The following TBC1D2B variants were observed in gnomAD, a reference collection of about 807,000 sequenced individuals.
The protein encoded by TBC1D2B is TBC1 domain family member 2B.
A neutral mutation model predicts 100.8 loss-of-function variants in TBC1D2B; 64 were observed. That is an observed-to-expected ratio of 0.64 (90% CI 0.52 to 0.78). TBC1D2B has a LOEUF of 0.78. Ranked by LOEUF, TBC1D2B falls within the 30% of genes least tolerant of loss-of-function variation. The pLI, the probability that TBC1D2B is intolerant of heterozygous loss-of-function variation, is 0.00. For synonymous variants in TBC1D2B, 480 were observed against 479.7 expected, an observed-to-expected ratio of 1.00 and a Z score of -0.01; for missense variants, 1,052 against 1,218.4, an observed-to-expected ratio of 0.86 and a Z score of 2.03.
chr15:78,068,109 CAT>C (rs1244435441), intron 1 of TBC1D2B, among the ~76,000 whole-genome samples: 4 of 152,196 alleles, frequency 2.6e-5, no homozygotes, highest in East Asian at 1.9e-4. Context: ...AACTTGCAGA[CAT>C]GTGATATTTA....
intron 1 of TBC1D2B, among the ~76,000 whole-genome samples, chr15:78,070,315 AG>A (rs1281826244): frequency 6.7e-6 from 1 of 149,756 alleles, no homozygotes; most frequent in African/African-American, 2.5e-5. Context: ...TCGCTTCTTC[AG>A]GAAAGTCTTT....
At position 78,009,094 on chromosome 15, in the gene TBC1D2B, A is replaced by G; in HGVS notation, c.2291T>C (p.Leu764Pro). The G allele has an allele frequency of 1.2e-6, 2 of 1,604,672 alleles. No individual in the cohort carries two copies. The highest frequency in any genetic ancestry group is 1.7e-6 in the Non-Finnish European group (2 of 1,175,334). Residue 764 changes from leucine to proline, a missense_variant, in exon 10 of 13, where the codon CTG becomes CCG. Physicochemically the swap from Leu to Pro is moderately conservative, Grantham distance 98 (BLOSUM62 -3). Transcript: ENST00000300584. The stretch of plus-strand genomic sequence containing the variant: ...GAAAGCATCTTCTTGTTCCAGGTAC[A>G]GGAGGGCCACTGCCACCAACCTACA... ...GLNRLVAVAL[L>P]YLEQEDAFWC...
intron 3 of TBC1D2B, among the ~76,000 whole-genome samples, chr15:78,037,917 C>T (rs1373808700): frequency 6.6e-6 from 1 of 152,040 alleles, no homozygotes; most frequent in African/African-American, 2.4e-5. Context: ...AAAAAGTGAA[C>T]AATGCTGTGT....
intron 10 of TBC1D2B, among the ~76,000 whole-genome samples, chr15:78,007,541 G>A (rs1231991278): frequency 6.6e-6 from 1 of 152,222 alleles, no homozygotes; most frequent in East Asian, 1.9e-4. Context: ...GGCGGGAACA[G>A]GAGGCAATAA....
At chr15:78,075,948 T>C (rs1316739256) in intron 1 of TBC1D2B, among the ~76,000 whole-genome samples, 1 of 152,210 alleles carries the variant, frequency 6.6e-6, no homozygotes, top group East Asian at 1.9e-4. Context: ...TGGCCAGCTT[T>C]GAGAGCACTT....
chr15:78,013,846 G>C lies in TBC1D2B; in HGVS notation c.1776-529C>G, dbSNP rs879749004. The stretch of plus-strand genomic sequence containing the variant: ...GCAATAGGAATGTTGTTAATGGAAC[G>C]TTAATGCAGTTAAGACTACAGAACT... On this transcript the variant is annotated intron_variant, in intron 8 of 12. Coordinates refer to ENST00000300584, the MANE Select transcript of TBC1D2B (RefSeq NM_144572.2). 1.8e-4 allele frequency among the ~76,000 whole-genome samples: 27 copies of C among 152,294 alleles called. No homozygotes were observed. In the East Asian group the frequency reaches 5.0e-3, roughly 28 times the overall value.
In TBC1D2B at chr15:77,997,570, G is replaced by A. The variant is rs2071796899; in HGVS notation, c.*590C>T. 2 of 152,324 alleles carry A rather than the reference G, an allele frequency of 1.3e-5. No individual in the cohort carries two copies. Among genetic ancestry groups the A allele is most frequent in the Admixed American group, 6.5e-5 (1 of 15,290 alleles). 9.4% of individuals were successfully genotyped at this position (152,324 alleles called of 1,614,324 possible). A position where few individuals can be genotyped will look rare whatever the true frequency, so the allele number is the denominator to read the frequency against. On this transcript the variant is annotated 3_prime_UTR_variant, in exon 13 of 13. Transcript: ENST00000300584. ...AAGAGCAAAGGCTATTCTAGAAATG[G>A]GGCATGGCTGGCAGCTTAAAGCCAC...
chr15:78,050,651 G>A (rs1158409416), intron 2 of TBC1D2B, among the ~76,000 whole-genome samples: 2 of 152,144 alleles, frequency 1.3e-5, no homozygotes, highest in African/African-American at 4.8e-5. Flanking sequence ...TATCTATCCA[G>A]ACACAGAAGA....
chr15:78,064,404 C>T (rs965816370), intron 1 of TBC1D2B, among the ~76,000 whole-genome samples: 1 of 152,118 alleles, frequency 6.6e-6, no homozygotes, highest in African/African-American at 2.4e-5. Flanking sequence ...AATATATATA[C>T]AGAATAGGTC....
intron 2 of TBC1D2B, among the ~76,000 whole-genome samples, chr15:78,048,315 C>T (rs771096209): frequency 1.3e-5 from 2 of 152,190 alleles, no homozygotes; most frequent in Non-Finnish European, 2.9e-5. Flanking sequence ...TAAGAGACCA[C>T]GTGAGATTTA....
At chr15:78,014,179 G>A (rs1005358692) in intron 8 of TBC1D2B, among the ~76,000 whole-genome samples, 10 of 152,130 alleles carry the variant, frequency 6.6e-5, no homozygotes, top group Admixed American at 1.3e-4. Flanking sequence ...AAAAAATGCA[G>A]CCCTTAATTA....
chr15:78,006,026 A>AG (rs2072057416), intron 10 of TBC1D2B, among the ~76,000 whole-genome samples: 1 of 152,132 alleles, frequency 6.6e-6, no homozygotes, highest in East Asian at 1.9e-4. Context: ...AGTCTATGTG[A>AG]GGGGGGTATT....
chr15:78,027,167 A>G (rs2072692586), intron 4 of TBC1D2B, among the ~76,000 whole-genome samples: 1 of 152,222 alleles, frequency 6.6e-6, no homozygotes, highest in African/African-American at 2.4e-5. Flanking sequence ...TGTGATTTAT[A>G]TAAAGTTAGG....
At chr15:78,053,915 TA>T (rs1468714834) in intron 2 of TBC1D2B, 118 bp downstream of exon 2, 1 of 1,162,150 alleles carries the variant, frequency 8.6e-7, no homozygotes, top group Non-Finnish European at 1.2e-6. Context: ...TGTCCACTCA[TA>T]AGGTAGCATC....
chr15:78,015,025 C>A (rs900024427), intron 8 of TBC1D2B, among the ~76,000 whole-genome samples: 1 of 152,090 alleles, frequency 6.6e-6, no homozygotes, highest in African/African-American at 2.4e-5. Context: ...CACGGTGAAA[C>A]CCTGTCTCTG....
intron 1 of TBC1D2B, among the ~76,000 whole-genome samples, chr15:78,057,099 T>C (rs1182265271): frequency 6.6e-6 from 1 of 152,338 alleles, no homozygotes; most frequent in East Asian, 1.9e-4. Context: ...GCAGGCACCA[T>C]GAAAAATCTG....
chr15:78,012,756 G>A (rs887952461), intron 9 of TBC1D2B, 67 bp downstream of exon 9: 1 of 1,375,374 alleles, frequency 7.3e-7, no homozygotes. Context: ...GGAGGGAGCT[G>A]CCAGGCAGCA....
chr15:78,012,973 G>C lies in TBC1D2B; in HGVS notation c.2120C>G (p.Ser707Cys), dbSNP rs752674926. Residue 707 changes from serine to cysteine, a missense_variant, in exon 9 of 13, where the codon TCC becomes TGC. By Grantham distance (112) the Ser-to-Cys change is moderately radical. Around this residue, in one of 4 missense-constraint regions of TBC1D2B, gnomAD observed 373 missense variants for 464.9 expected, o/e 0.80. Coordinates refer to ENST00000300584, the MANE Select transcript of TBC1D2B (RefSeq NM_144572.2). ...QKALEKQNPA[S>C]KQIELDLLRT... ...CAGCAAGTCCAGCTCAATCTGCTTG[G>C]AGGCTGGGTTCTGTTTCTCCAGCGC... The C allele has an allele frequency of 1.3e-6, 2 of 1,590,002 alleles. No individual in the cohort carries two copies. The highest frequency in any genetic ancestry group is 1.7e-6 in the Non-Finnish European group (2 of 1,164,580).
intron 1 of TBC1D2B, among the ~76,000 whole-genome samples, chr15:78,055,577 A>G (rs1437995647): frequency 2.6e-5 from 4 of 152,220 alleles, no homozygotes; most frequent in African/African-American, 9.6e-5. Context: ...AGATAGCCCT[A>G]GACCAAACTA....
Sources: gnomAD v4.1 joint callset for allele counts (sites outside exome capture counted in the v4.1 genomes callset) on GRCh38, gnomAD v4.1.1 for gene constraint, gnomAD v4.1.1 regional missense constraint, MANE v1.5 for transcripts, NCBI Gene and HGNC (gene_info 2026-07-23, HGNC 2026-07-21) for gene names.